CAMK4: variants seen among roughly 807,000 people sequenced by gnomAD.
CAMK4 encodes the protein calcium/calmodulin dependent protein kinase IV.
A neutral mutation model predicts 44.9 loss-of-function variants in CAMK4; 22 were observed. The observed-to-expected ratio is 0.49, with a 90% confidence interval of 0.35 to 0.70. CAMK4 has a LOEUF of 0.70. CAMK4 is among the 30% of genes least tolerant of loss of function. The pLI, the probability that CAMK4 is intolerant of heterozygous loss-of-function variation, is 0.01. For synonymous variants in CAMK4, 218 were observed against 215.4 expected (o/e 1.01, Z -0.11); for missense variants, 498 against 586.8 (o/e 0.85, Z 1.56).
Position 111,449,138 on chromosome 5 carries a change from G to T in CAMK4, c.560G>T (p.Gly187Val). The T allele has an allele frequency of 6.5e-7, 1 of 1,537,422 alleles. No homozygotes were observed. Among genetic ancestry groups the T allele is most frequent in the South Asian group, 1.2e-5 (1 of 86,790 alleles). Residue 187 changes from glycine (G) to valine (V), a missense_variant, in exon 7 of 11, where the codon GGA becomes GTA. Coordinates refer to ENST00000282356, the MANE Select transcript of CAMK4 (RefSeq NM_001744.6). ...PDAPLKIADFGLSKIVEHQVL... is the reference protein window; with the variant it reads ...PDAPLKIADFVLSKIVEHQVL... Reference sequence around the variant, plus strand: ...TTTCTTGTGTTATTAGCTGATTTTGGACTCTCTAAAATTGTGGAACATCAA... The same window carrying T: ...TTTCTTGTGTTATTAGCTGATTTTGTACTCTCTAAAATTGTGGAACATCAA...
At chr5:111,279,844 T>C (rs2112601101) in intron 1 of CAMK4, among the ~76,000 whole-genome samples, 1 of 152,306 alleles carries the variant, frequency 6.6e-6, no homozygotes, top group South Asian at 2.1e-4. Flanking sequence ...CTGGGTTTGA[T>C]GCTTAGTTAG....
At chr5:111,444,905 C>G (rs1452249388) in intron 5 of CAMK4, among the ~76,000 whole-genome samples, 1 of 152,126 alleles carries the variant, frequency 6.6e-6, no homozygotes, top group Non-Finnish European at 1.5e-5. Context: ...TTAAACCAAA[C>G]TTAAGACACA....
intron 1 of CAMK4, chr5:111,302,272 C>T (rs1396804729): frequency 6.5e-6 from 1 of 154,546 alleles, no homozygotes; most frequent in African/African-American, 2.4e-5. Flanking sequence ...CAGCTCCGGT[C>T]TACAGCTCCC....
chr5:111,288,720 C>T (rs1475606596), intron 1 of CAMK4, among the ~76,000 whole-genome samples: 3 of 152,044 alleles, frequency 2.0e-5, no homozygotes, highest in Admixed American at 6.6e-5. Context: ...TATTCCTGTA[C>T]TAGAGAGTGT....
At position 111,310,282 on chromosome 5, in the gene CAMK4, T is replaced by G. The variant is rs193300150; in HGVS notation, c.162-33742T>G. ...TAAACATCCAATGTGTTTAGTAGCT[T>G]CTTTGGAAATAAATGTATCCTTCTA... On this transcript the variant is annotated intron_variant, in intron 1 of 10. Transcript: ENST00000282356. Among the ~76,000 whole-genome samples the G allele has an allele frequency of 2.5e-3, 378 of 152,328 alleles. 1 individual carries two copies. The highest frequency in any genetic ancestry group is 8.5e-3 in the African/African-American group (355 of 41,576).
intron 4 of CAMK4, among the ~76,000 whole-genome samples, chr5:111,390,593 A>G (rs1751762556): frequency 6.6e-6 from 1 of 152,200 alleles, no homozygotes; most frequent in East Asian, 1.9e-4. Flanking sequence ...ACTGTCCTTT[A>G]TGTTTTGAAT....
intron 1 of CAMK4, among the ~76,000 whole-genome samples, chr5:111,297,058 A>C (rs573117247): frequency 3.7e-4 from 57 of 152,208 alleles, no homozygotes; most frequent in Non-Finnish European, 6.2e-4. Flanking sequence ...TGAATGGTGG[A>C]GGATCCACCT....
intron 5 of CAMK4, among the ~76,000 whole-genome samples, chr5:111,395,715 A>G (rs1466079830): frequency 6.6e-6 from 1 of 152,204 alleles, no homozygotes; most frequent in East Asian, 1.9e-4. Context: ...TTAAGCAGGT[A>G]ATATTTGCCT....
Position 111,485,971 on chromosome 5 carries a change from ATAAT to A in CAMK4, c.*1508_*1511del, listed in dbSNP as rs1162793486. 6.6e-6 allele frequency: 1 copy of A among 152,218 alleles called. No individual in the cohort carries two copies. 9.4% of individuals were successfully genotyped at this position (152,218 alleles called of 1,614,324 possible). On this transcript the variant is annotated 3_prime_UTR_variant, in exon 11 of 11. Transcript: ENST00000282356. ...TTTAAAAAAGAATTCATTTTAAAAA[ATAAT>A]TATTTTCAGAGACCAAATAAAGACA...
At chr5:111,262,104 G>A (rs1277187833) in intron 1 of CAMK4, among the ~76,000 whole-genome samples, 2 of 150,908 alleles carry the variant, frequency 1.3e-5, no homozygotes, top group African/African-American at 4.9e-5. Context: ...TTCACAGGCA[G>A]TAGAGACACA....
intron 1 of CAMK4, among the ~76,000 whole-genome samples, chr5:111,235,128 C>T (rs141226014): frequency 6.6e-6 from 1 of 152,274 alleles, no homozygotes; most frequent in Non-Finnish European, 1.5e-5. Context: ...CTTACTTTTA[C>T]TGATTTGAAG....
intron 4 of CAMK4, among the ~76,000 whole-genome samples, 180 bp downstream of exon 4, chr5:111,377,122 C>A (rs1185360863): frequency 1.3e-5 from 2 of 151,960 alleles, no homozygotes; most frequent in East Asian, 3.9e-4. Context: ...GATGTAGGTA[C>A]ATGAAAACTT....
chr5:111,279,537 A>C (rs1390665202), intron 1 of CAMK4, among the ~76,000 whole-genome samples: 3 of 151,372 alleles, frequency 2.0e-5, no homozygotes, highest in Non-Finnish European at 4.4e-5. Context: ...TTCATATGAT[A>C]GAATTACTGA....
chr5:111,289,550 C>G (rs1378762777), intron 1 of CAMK4, among the ~76,000 whole-genome samples: 2 of 152,176 alleles, frequency 1.3e-5, no homozygotes, highest in Admixed American at 6.5e-5. Context: ...TTAATTGTTG[C>G]AAGTAATCTC....
chr5:111,312,223 C>T (rs1262054130), intron 1 of CAMK4, among the ~76,000 whole-genome samples: 1 of 152,056 alleles, frequency 6.6e-6, no homozygotes, highest in African/African-American at 2.4e-5. Context: ...CTAATAGATG[C>T]CCAGAGAATA....
intron 1 of CAMK4, among the ~76,000 whole-genome samples, chr5:111,329,816 C>A (rs988658567): frequency 1.3e-5 from 2 of 151,566 alleles, no homozygotes; most frequent in Admixed American, 6.6e-5. Context: ...AATCTCTCAG[C>A]AAAGTAAGAA....
At position 111,484,288 on chromosome 5, in the gene CAMK4, A is replaced by G. The variant is rs752777797; in HGVS notation, c.1244A>G (p.Lys415Arg). Residue 415 changes from lysine (K) to arginine (R), a missense_variant, in exon 11 of 11, where the codon AAA becomes AGA. By Grantham distance (26) the Lys-to-Arg change is conservative. Coordinates refer to ENST00000282356, the MANE Select transcript of CAMK4 (RefSeq NM_001744.6). This position sits in a 1 kb window ranked among gnomAD's most constrained non-coding sequence, Gnocchi z 5.3. ...GADINAEEAP[K>R]MVPKAVEDGI... ...GATATAAATGCTGAAGAGGCCCCCA[A>G]AATGGTGCCCAAGGCAGTGGAGGAT... is the stretch of plus-strand genomic sequence containing the variant. 13 of 1,614,080 alleles carry G rather than the reference A, an allele frequency of 8.1e-6. No homozygotes were observed. Among genetic ancestry groups the G allele is most frequent in the South Asian group, 2.2e-5 (2 of 91,082 alleles).
chr5:111,441,979 G>GA (rs1753838524), intron 5 of CAMK4, among the ~76,000 whole-genome samples: 1 of 152,150 alleles, frequency 6.6e-6, no homozygotes, highest in Non-Finnish European at 1.5e-5. Context: ...GTGAAGTAAT[G>GA]AGATTAGTGT....
intron 5 of CAMK4, among the ~76,000 whole-genome samples, chr5:111,424,201 A>G (rs1056764893): frequency 5.3e-5 from 8 of 152,200 alleles, no homozygotes; most frequent in African/African-American, 1.9e-4. Context: ...GACAAGTGAG[A>G]TGCATCCATT....
Sources: gnomAD v4.1 joint callset for allele counts (sites outside exome capture counted in the v4.1 genomes callset) on GRCh38, gnomAD v4.1.1 for gene constraint, Gnocchi (gnomAD v3.1) non-coding constraint, MANE v1.5 for transcripts, NCBI Gene and HGNC (gene_info 2026-07-23, HGNC 2026-07-21) for gene names.